The following FBXO42 variants were observed in gnomAD, a reference collection of about 807,000 sequenced individuals.
The protein encoded by FBXO42 is F-box protein 42, also known as F-box only protein 42.
FBXO42 carries 12 observed loss-of-function variants against 71.7 expected under a neutral mutation model. The observed-to-expected ratio is 0.17, with a 90% CI of 0.11 to 0.27. FBXO42 has a LOEUF of 0.27. FBXO42 is among the 10% of genes least tolerant of loss of function. The pLI is 1.00. For missense variants in FBXO42, 707 were observed against 911.9 expected (o/e 0.78, Z 2.89); for synonymous variants, 325 against 327.5 (o/e 0.99, Z 0.08).
chr1:16,281,683 G>C (rs1299559223), intron 4 of FBXO42, among the ~76,000 whole-genome samples: 1 of 149,484 alleles, frequency 6.7e-6, no homozygotes, highest in East Asian at 1.9e-4. Flanking sequence ...TTTTGAGACG[G>C]AGTCTCACTC....
chr1:16,253,780 C>T (rs1378836815), intron 6 of FBXO42, 49 bp from the exon 7 acceptor site: 2 of 1,552,264 alleles, frequency 1.3e-6, no homozygotes, highest in Admixed American at 3.4e-5. Flanking sequence ...CTCCCAGGGA[C>T]CATAATGGTG....
intron 1 of FBXO42, among the ~76,000 whole-genome samples, chr1:16,332,440 G>A (rs1055035871): frequency 6.6e-6 from 1 of 152,132 alleles, no homozygotes; most frequent in Non-Finnish European, 1.5e-5. Flanking sequence ...TTGCTATATT[G>A]TGATTTAGTA....
At chr1:16,266,006 T>C (rs2081767732) in intron 4 of FBXO42, among the ~76,000 whole-genome samples, 1 of 151,668 alleles carries the variant, frequency 6.6e-6, no homozygotes, top group African/African-American at 2.4e-5. Flanking sequence ...CTTACACACT[T>C]CAGACTTTTG....
chr1:16,348,492 T>C (rs553485210), intron 1 of FBXO42, among the ~76,000 whole-genome samples: 133 of 151,392 alleles, frequency 8.8e-4, no homozygotes, highest in African/African-American at 3.1e-3. Flanking sequence ...TGGTCAGGAG[T>C]TCGAGACCAG....
chr1:16,313,287 G>C (rs1569906798), intron 2 of FBXO42, among the ~76,000 whole-genome samples: 2 of 127,256 alleles, frequency 1.6e-5, no homozygotes, highest in African/African-American at 7.0e-5. Flanking sequence ...AGAAAGAAAA[G>C]AAGAAAGAGA....
At chr1:16,342,033 T>C (rs2082609916) in intron 1 of FBXO42, among the ~76,000 whole-genome samples, 1 of 151,424 alleles carries the variant, frequency 6.6e-6, no homozygotes, top group Non-Finnish European at 1.5e-5. Flanking sequence ...TCCCAGCACT[T>C]TGGGAGTCTG....
intron 4 of FBXO42, among the ~76,000 whole-genome samples, chr1:16,290,602 G>T (rs970866763): frequency 6.6e-6 from 1 of 151,948 alleles, no homozygotes; most frequent in Non-Finnish European, 1.5e-5. Flanking sequence ...TGAGGCAGGA[G>T]AATTGCTCCA....
At chr1:16,280,149 C>A (rs2081948605) in intron 4 of FBXO42, among the ~76,000 whole-genome samples, 1 of 152,116 alleles carries the variant, frequency 6.6e-6, no homozygotes, top group Non-Finnish European at 1.5e-5. Context: ...CACCAGCCAA[C>A]AATATGTACT....
chr1:16,251,020 G>T lies in FBXO42; in HGVS notation c.1804C>A (p.Pro602Thr). The change falls in exon 10 of 10, where the codon CCT (proline) becomes ACT (threonine). Residue 602 changes from proline (P) to threonine (T), a missense_variant. Pro to Thr is a conservative substitution (Grantham distance 38). Around this residue, in one of 5 missense-constraint regions of FBXO42, gnomAD observed 482 missense variants for 587.1 expected, o/e 0.82. Transcript: ENST00000375592. This position sits in a 1 kb window ranked among gnomAD's most constrained non-coding sequence, Gnocchi z 4.5. Reference sequence around the variant, plus strand: ...TCTCCTTGGGCAGGCCCTGGGCGAGGGATGGGCACTGTTTCTCCACTGCTC... The same window carrying T: ...TCTCCTTGGGCAGGCCCTGGGCGAGTGATGGGCACTGTTTCTCCACTGCTC... ...SLSSGETVPI[P>T]RPGPAQGDGH... The T allele has an allele frequency of 6.2e-7, 1 of 1,614,214 alleles. No homozygotes were observed. The highest frequency in any genetic ancestry group is 8.5e-7 in the Non-Finnish European group (1 of 1,180,040).
intron 4 of FBXO42, among the ~76,000 whole-genome samples, chr1:16,266,548 G>A (rs2081775831): frequency 6.6e-6 from 1 of 152,106 alleles, no homozygotes; most frequent in Non-Finnish European, 1.5e-5. Context: ...CACAAAACTG[G>A]CCTTGAGGGC....
intron 4 of FBXO42, among the ~76,000 whole-genome samples, chr1:16,280,587 A>C (rs2081952644): frequency 6.6e-6 from 1 of 152,182 alleles, no homozygotes; most frequent in Non-Finnish European, 1.5e-5. Flanking sequence ...CATTAGGGAA[A>C]CTGGGTGTCA....
intron 4 of FBXO42, among the ~76,000 whole-genome samples, chr1:16,262,165 A>T (rs923847585): frequency 6.6e-6 from 1 of 152,178 alleles, no homozygotes; most frequent in Non-Finnish European, 1.5e-5. Flanking sequence ...AAAAATCTAC[A>T]TATTTCATAT....
In FBXO42 at chr1:16,270,695, AAG is replaced by A. The variant is rs1491366934; in HGVS notation, c.503-13938_503-13937del. Among the ~76,000 whole-genome samples, 55 of 6,620 alleles carry A rather than the reference AAG, an allele frequency of 8.3e-3. 1 individual carries two copies. The highest frequency in any genetic ancestry group is 0.012 in the South Asian group (2 of 164). The allele number at this position is 6,620 out of a possible 152,430, so 4.3% of individuals were successfully genotyped here. On this transcript the variant is annotated intron_variant, in intron 4 of 9. Coordinates refer to ENST00000375592, the MANE Select transcript of FBXO42 (RefSeq NM_018994.3). Reference sequence around the variant, plus strand: ...CTCTCAAAAAAAAAAAAAAAAAAAAAAGAAAAGAAAAGAAAGAAGAAAAGATA... The same window carrying A: ...CTCTCAAAAAAAAAAAAAAAAAAAAAAAAAGAAAAGAAAGAAGAAAAGATA...
At chr1:16,301,726 G>C (rs2082197661) in intron 3 of FBXO42, among the ~76,000 whole-genome samples, 2 of 151,218 alleles carry the variant, frequency 1.3e-5, no homozygotes. Context: ...CTAAGACATG[G>C]AGCCTGTCTA....
chr1:16,325,015 A>G (rs1368684764), intron 1 of FBXO42, among the ~76,000 whole-genome samples: 1 of 152,134 alleles, frequency 6.6e-6, no homozygotes, highest in East Asian at 1.9e-4. Flanking sequence ...AAACAGGCAG[A>G]TTGCTTGAGC....
chr1:16,342,037 G>A (rs1477806630), intron 1 of FBXO42, among the ~76,000 whole-genome samples: 2 of 151,752 alleles, frequency 1.3e-5, no homozygotes, highest in African/African-American at 2.4e-5. Context: ...AGCACTTTGG[G>A]AGTCTGAGGT....
intron 1 of FBXO42, among the ~76,000 whole-genome samples, chr1:16,329,325 T>C (rs1487358587): frequency 6.6e-6 from 1 of 152,056 alleles, no homozygotes; most frequent in East Asian, 1.9e-4. Context: ...GGTTCATGCC[T>C]GTAATCCTAG....
At chr1:16,309,055 CT>C (rs1396742259) in intron 2 of FBXO42, among the ~76,000 whole-genome samples, 2 of 111,478 alleles carry the variant, frequency 1.8e-5, no homozygotes, top group African/African-American at 3.4e-5. Flanking sequence ...GAGACCCCAT[CT>C]CTTTTTTTTT....
At chr1:16,299,941 C>A (rs1488445318) in intron 3 of FBXO42, among the ~76,000 whole-genome samples, 1 of 152,158 alleles carries the variant, frequency 6.6e-6, no homozygotes, top group Admixed American at 6.5e-5. Flanking sequence ...CCATGCCCGG[C>A]CACACTCAAC....
Sources: allele counts gnomAD v4.1 joint callset (sites outside exome capture counted in the v4.1 genomes callset), GRCh38; gene constraint gnomAD v4.1.1; regional missense constraint gnomAD v4.1.1; non-coding constraint Gnocchi (gnomAD v3.1); transcripts MANE v1.5; gene names NCBI Gene and HGNC (gene_info 2026-07-23, HGNC 2026-07-21).